XYLT1: variants seen among roughly 807,000 people sequenced by gnomAD.
XYLT1 encodes the protein beta-D-xylosyltransferase 1.
A neutral mutation model predicts 91.3 loss-of-function variants in XYLT1; 36 were observed. That is an observed-to-expected ratio of 0.39 (90% confidence interval 0.30 to 0.52). XYLT1 has a LOEUF of 0.52. Among genes scored for constraint, XYLT1 ranks in the 20% least tolerant of loss-of-function variants. XYLT1 has a pLI of 0.68. For synonymous variants in XYLT1, 588 were observed against 532.0 expected, an observed-to-expected ratio of 1.11 and a Z score of -1.45; for missense variants, 1,242 against 1,284.5, an observed-to-expected ratio of 0.97 and a Z score of 0.51.
At chr16:17,332,881 C>T (rs1309396490) in intron 2 of XYLT1, among the ~76,000 whole-genome samples, 1 of 152,078 alleles carries the variant, frequency 6.6e-6, no homozygotes, top group Non-Finnish European at 1.5e-5. Flanking sequence ...GCAACCTCCG[C>T]CTTTCCGTGT....
chr16:17,412,066 A>G (rs1221419409), intron 1 of XYLT1, among the ~76,000 whole-genome samples: 6 of 152,100 alleles, frequency 3.9e-5, no homozygotes, highest in African/African-American at 9.7e-5. Flanking sequence ...TGCAATATTC[A>G]TGTTTTAATT....
At chr16:17,333,183 C>T (rs540192430) in intron 2 of XYLT1, among the ~76,000 whole-genome samples, 65 of 152,160 alleles carry the variant, frequency 4.3e-4, no homozygotes, top group Admixed American at 1.1e-3. Context: ...ATTCAAGACA[C>T]ATGTACAACT....
At chr16:17,374,932 A>T (rs562758653) in intron 1 of XYLT1, among the ~76,000 whole-genome samples, 36 of 152,304 alleles carry the variant, frequency 2.4e-4, no homozygotes, top group African/African-American at 8.4e-4. Context: ...TCAACCCCAT[A>T]ACCAGTGTGA....
At chr16:17,374,927 C>G (rs1567399021) in intron 1 of XYLT1, among the ~76,000 whole-genome samples, 1 of 152,160 alleles carries the variant, frequency 6.6e-6, no homozygotes, top group Non-Finnish European at 1.5e-5. Context: ...TTATTTCAAC[C>G]CCATAACCAG....
At chr16:17,424,807 G>A (rs905857269) in intron 1 of XYLT1, among the ~76,000 whole-genome samples, 27 of 146,634 alleles carry the variant, frequency 1.8e-4, no homozygotes, top group African/African-American at 6.6e-4. Context: ...GGCAGAGGTT[G>A]CAGTCAGCTG....
At chr16:17,239,203 T>G in intron 3 of XYLT1, among the ~76,000 whole-genome samples, 1 of 137,956 alleles carries the variant, frequency 7.2e-6, no homozygotes, top group East Asian at 2.1e-4. Context: ...CTGTAATTCA[T>G]CCATCCATCC....
chr16:17,401,412 C>G (rs1422841887), intron 1 of XYLT1, among the ~76,000 whole-genome samples: 1 of 152,160 alleles, frequency 6.6e-6, no homozygotes, highest in Non-Finnish European at 1.5e-5. Flanking sequence ...CATTTGCAAG[C>G]TGAAGTTGTG....
intron 1 of XYLT1, among the ~76,000 whole-genome samples, chr16:17,441,243 T>C (rs2036528393): frequency 6.6e-6 from 1 of 152,048 alleles, no homozygotes; most frequent in South Asian, 2.1e-4. Context: ...ATTGTTATTA[T>C]CACTATCATA....
At chr16:17,269,792 T>TTCATTATTATTATTA (rs2033858935) in intron 2 of XYLT1, among the ~76,000 whole-genome samples, 1 of 141,696 alleles carries the variant, frequency 7.1e-6, no homozygotes, top group Non-Finnish European at 1.5e-5. Context: ...TCCTTCTCCC[T>TTCATTATTATTATTA]TTATTATTAT....
At position 17,158,824 on chromosome 16, in the gene XYLT1, G is replaced by A. The variant is rs372104324; in HGVS notation, c.1370+5C>T. 69 of 1,613,810 alleles carry A rather than the reference G, an allele frequency of 4.3e-5. No homozygotes were observed. The highest frequency in any genetic ancestry group is 5.5e-5 in the Non-Finnish European group (65 of 1,179,876). Reference sequence around the variant, plus strand: ...TTTGTACAGGGGTAGGGGTTGAGGTGCTACCTTGCATTGTCCCGGCCGTGT... The same window carrying A: ...TTTGTACAGGGGTAGGGGTTGAGGTACTACCTTGCATTGTCCCGGCCGTGT... On this transcript the variant is annotated splice_donor_5th_base_variant and intron_variant, in intron 6 of 11. Coordinates refer to ENST00000261381, the MANE Select transcript of XYLT1 (RefSeq NM_022166.4).
chr16:17,388,488 TC>T (rs1199279159), intron 1 of XYLT1, among the ~76,000 whole-genome samples: 4 of 152,014 alleles, frequency 2.6e-5, no homozygotes, highest in Admixed American at 2.0e-4. Context: ...AGACCAGAGC[TC>T]CCCATTCTGC....
At chr16:17,163,741 T>C (rs2031605486) in intron 5 of XYLT1, among the ~76,000 whole-genome samples, 1 of 151,998 alleles carries the variant, frequency 6.6e-6, no homozygotes, top group South Asian at 2.1e-4. Context: ...GAACGACCCA[T>C]TGTGGGGCAG....
chr16:17,461,705 G>A (rs1207742470), intron 1 of XYLT1, among the ~76,000 whole-genome samples: 1 of 152,020 alleles, frequency 6.6e-6, no homozygotes, highest in African/African-American at 2.4e-5. Flanking sequence ...GATGGAGGCA[G>A]GGGGAGAATG....
chr16:17,324,080 C>CACT (rs1436890744), intron 2 of XYLT1, among the ~76,000 whole-genome samples: 1 of 152,070 alleles, frequency 6.6e-6, no homozygotes. Flanking sequence ...AGCTCAGGTC[C>CACT]CATGCACACA....
rs528299515 is a variant in XYLT1 at position 17,244,738 on chromosome 16, T to C, written c.913+14250A>G. Among the ~76,000 whole-genome samples the C allele has an allele frequency of 5.3e-5, 8 of 152,320 alleles. No individual in the cohort carries two copies. In the South Asian group the frequency reaches 1.7e-3, roughly 32 times the overall value. On this transcript the variant is annotated intron_variant, in intron 3 of 11. Transcript: ENST00000261381. ...GATCTGAGAAAACAGTCACTTAGTA[T>C]AGTAAAAAACTGGCAACAACCTAAA...
chr16:17,324,116 A>G (rs1363211369), intron 2 of XYLT1, among the ~76,000 whole-genome samples: 1 of 152,156 alleles, frequency 6.6e-6, no homozygotes, highest in Non-Finnish European at 1.5e-5. Context: ...CTTAACAAGC[A>G]TGGTCATGGG....
chr16:17,303,670 G>A (rs1205621946), intron 2 of XYLT1, among the ~76,000 whole-genome samples: 2 of 152,108 alleles, frequency 1.3e-5, no homozygotes, highest in African/African-American at 4.8e-5. Context: ...ACAATGGCTG[G>A]GAGTAAGAGG....
intron 1 of XYLT1, among the ~76,000 whole-genome samples, chr16:17,428,452 G>C (rs1443239136): frequency 6.6e-6 from 1 of 152,128 alleles, no homozygotes; most frequent in African/African-American, 2.4e-5. Flanking sequence ...CCAGGCTGAG[G>C]GGCTGTTGAG....
chr16:17,147,952 T>C (rs2031179574), intron 6 of XYLT1, among the ~76,000 whole-genome samples: 1 of 152,198 alleles, frequency 6.6e-6, no homozygotes, highest in Non-Finnish European at 1.5e-5. Flanking sequence ...AATGATACGC[T>C]CTTCCTTTTC....
Sources: gnomAD v4.1 joint callset for allele counts (sites outside exome capture counted in the v4.1 genomes callset) on GRCh38, gnomAD v4.1.1 for gene constraint, MANE v1.5 for transcripts, NCBI Gene and HGNC (gene_info 2026-07-23, HGNC 2026-07-21) for gene names.